Variants in FOXK1 observed in about 807,000 individuals in gnomAD.
FOXK1 encodes forkhead box protein K1.
A neutral mutation model predicts 51.9 loss-of-function variants in FOXK1; 19 were observed. The ratio of observed to expected loss-of-function variants is 0.37; its 90% CI spans 0.26 to 0.54. The LOEUF is 0.54. FOXK1 is among the 20% of genes least tolerant of loss of function. FOXK1 has a pLI of 0.87. For synonymous variants in FOXK1, 537 were observed against 482.6 expected, an observed-to-expected ratio of 1.11 and a Z score of -1.48; for missense variants, 870 against 1,032.7, an observed-to-expected ratio of 0.84 and a Z score of 2.16.
chr7:4,757,134 G>A lies in FOXK1; in HGVS notation c.1191G>A (p.Arg397=). Residue 397 remains arginine, a synonymous_variant, in exon 5 of 9, where the codon CGG becomes CGA. Transcript: ENST00000328914. ...AKLVEQAFRK[R]RQRGVSCFRT... is the part of the protein sequence containing the mutation. ...TCGTGGAACAGGCATTCCGGAAACG[G>A]AGGCAGAGGGGTGTCTCCTGCTTCC... 6.2e-7 allele frequency: 1 copy of A among 1,613,176 alleles called. No homozygotes were observed. The highest frequency in any genetic ancestry group is 1.1e-5 in the South Asian group (1 of 91,048).
chr7:4,724,930 C>CCTT (rs999742709), intron 1 of FOXK1, among the ~76,000 whole-genome samples: 1 of 152,250 alleles, frequency 6.6e-6, no homozygotes, highest in African/African-American at 2.4e-5. Context: ...AGGAAAGTCA[C>CCTT]CTTTTAGCTG....
chr7:4,717,470 GTGGCTGGGAGGCA>G (rs1780250891), intron 1 of FOXK1, among the ~76,000 whole-genome samples: 1 of 139,052 alleles, frequency 7.2e-6, no homozygotes, highest in Non-Finnish European at 1.5e-5. Context: ...TGGGAGGCAT[GTGGCTGGGAGGCA>G]TGTGGCTGGG....
chr7:4,726,191 A>T (rs1334778650), intron 1 of FOXK1, among the ~76,000 whole-genome samples: 1 of 152,128 alleles, frequency 6.6e-6, no homozygotes, highest in Non-Finnish European at 1.5e-5. Context: ...GAGGGACAGG[A>T]GGCTTCCGTG....
intron 2 of FOXK1, among the ~76,000 whole-genome samples, chr7:4,751,814 G>T (rs1057072325): frequency 6.6e-6 from 1 of 152,252 alleles, no homozygotes; most frequent in African/African-American, 2.4e-5. Context: ...CCCAGGCCAG[G>T]TCCAGTGCTG....
intron 1 of FOXK1, among the ~76,000 whole-genome samples, chr7:4,739,034 A>G (rs1780594756): frequency 6.6e-6 from 1 of 152,174 alleles, no homozygotes; most frequent in Non-Finnish European, 1.5e-5. Flanking sequence ...GTCTTTCAAA[A>G]ACGCTTTGAC....
rs781163441 is a variant in FOXK1, at chr7:4,682,848, C to A, written c.540C>A (p.Pro180=). Residue 180 remains proline, a synonymous_variant, in exon 1 of 9, where the codon CCC becomes CCA. Transcript: ENST00000328914. This position sits in a 1 kb window ranked among gnomAD's most constrained non-coding sequence, Gnocchi z 7.6. ...GGGCCTTCCAGAGACGCGGCGCGCCCGCCCTGCAGCTGCCCAAGCAGTGAG... is the reference window on the plus strand; with the variant it reads ...GGGCCTTCCAGAGACGCGGCGCGCCAGCCCTGCAGCTGCCCAAGCAGTGAG... ...VDGAFQRRGA[P]ALQLPKQCTF... is the part of the protein sequence containing the mutation. 3.2e-6 allele frequency: 5 copies of A among 1,556,158 alleles called. No homozygotes were observed. Among genetic ancestry groups the A allele is most frequent in the African/African-American group, 2.7e-5 (2 of 72,766 alleles).
At chr7:4,713,308 G>C (rs1176840636) in intron 1 of FOXK1, among the ~76,000 whole-genome samples, 2 of 149,528 alleles carry the variant, frequency 1.3e-5, no homozygotes, top group Non-Finnish European at 2.9e-5. Flanking sequence ...GGTTGGGGCG[G>C]GCTGGGATTC....
At position 4,755,242 on chromosome 7, in the gene FOXK1, G is replaced by A. The variant is rs1780831530; in HGVS notation, c.909G>A (p.Glu303=). 2 of 1,613,794 alleles carry A rather than the reference G, an allele frequency of 1.2e-6. No individual in the cohort carries two copies. The highest frequency in any genetic ancestry group is 1.7e-6 in the Non-Finnish European group (2 of 1,180,000). ...DTSGGDSPKD[E]SKPPFSYAQL... ...TGAGCCGTGTTTCTCCGCAGGATGA[G>A]TCAAAGCCGCCGTTCTCCTACGCGC... The change falls in exon 4 of 9, where the codon GAG becomes GAA. Residue 303 remains glutamate (E), a synonymous_variant. Coordinates refer to ENST00000328914, the MANE Select transcript of FOXK1 (RefSeq NM_001037165.2). This position sits in a 1 kb window ranked among gnomAD's most constrained non-coding sequence, Gnocchi z 6.6.
At position 4,740,596 on chromosome 7, in the gene FOXK1, G is replaced by A. The variant is rs187831689; in HGVS notation, c.561-242G>A. Among the ~76,000 whole-genome samples the A allele has an allele frequency of 6.9e-3, 1,045 of 152,166 alleles. 10 individuals are homozygous for A. The highest frequency in any genetic ancestry group is 0.024 in the African/African-American group (1,007 of 41,522). ...ATTGCACTCCAGCCTGGGTGACAGC[G>A]AGACTCCCTCTCAAAAAATAAAATA... On this transcript the variant is annotated intron_variant, in intron 1 of 8. Coordinates refer to ENST00000328914, the MANE Select transcript of FOXK1 (RefSeq NM_001037165.2).
intron 1 of FOXK1, among the ~76,000 whole-genome samples, chr7:4,688,678 C>T (rs1182578588): frequency 6.6e-6 from 1 of 152,160 alleles, no homozygotes; most frequent in Non-Finnish European, 1.5e-5. Context: ...CCACGCCCGG[C>T]ACCCTCTGCT....
intron 1 of FOXK1, among the ~76,000 whole-genome samples, chr7:4,692,449 G>T (rs939501954): frequency 6.6e-6 from 1 of 152,184 alleles, no homozygotes; most frequent in Non-Finnish European, 1.5e-5. Flanking sequence ...GGCTGGAGGG[G>T]CAGTGGCACG....
rs546841477 is a variant in FOXK1, at chr7:4,748,341, C to G, written c.747-6118C>G. On this transcript the variant is annotated intron_variant, in intron 2 of 8. Transcript: ENST00000328914. This position sits in a 1 kb window ranked among gnomAD's most constrained non-coding sequence, Gnocchi z 4.9. ...GGAAATTAAGGATTTAGCTTCCCCCCTCCCCATCCCAGTAAAGTTACATCA... is the reference window on the plus strand; with the variant it reads ...GGAAATTAAGGATTTAGCTTCCCCCGTCCCCATCCCAGTAAAGTTACATCA... Among the ~76,000 whole-genome samples, 7 of 152,326 alleles carry G rather than the reference C, an allele frequency of 4.6e-5. No individual in the cohort carries two copies. The highest frequency in any genetic ancestry group is 3.9e-4 in the Admixed American group (6 of 15,294).
In FOXK1 at chr7:4,733,929, G is replaced by T. The variant is rs913591979; in HGVS notation, c.561-6909G>T. Among the ~76,000 whole-genome samples the T allele has an allele frequency of 6.6e-6, 1 of 152,144 alleles. No homozygotes were observed. The highest frequency in any genetic ancestry group is 1.5e-5 in the Non-Finnish European group (1 of 68,030). ...AAGCCACAGGGACCTCCCAGCACGC[G>T]CCAACCCTGGACTTCCCCCAGAGCT... On this transcript the variant is annotated intron_variant, in intron 1 of 8. Coordinates refer to ENST00000328914, the MANE Select transcript of FOXK1 (RefSeq NM_001037165.2). This position sits in a 1 kb window ranked among gnomAD's most constrained non-coding sequence, Gnocchi z 5.0.
chr7:4,760,063 T>C (rs6463034), intron 7 of FOXK1: 37,845 of 165,502 alleles, frequency 0.23, 7,095 homozygotes, highest in African/African-American at 0.53. Context: ...TCCGCAGATG[T>C]GTCCTTCCTT....
At chr7:4,725,485 AGGCCCG>A (rs1161815037) in intron 1 of FOXK1, among the ~76,000 whole-genome samples, 2 of 152,224 alleles carry the variant, frequency 1.3e-5, no homozygotes, top group African/African-American at 4.8e-5. Flanking sequence ...CCACAGGCAG[AGGCCCG>A]GGGCCAGATG....
intron 1 of FOXK1, among the ~76,000 whole-genome samples, chr7:4,719,624 G>A (rs1446433331): frequency 6.6e-6 from 1 of 152,054 alleles, no homozygotes; most frequent in Non-Finnish European, 1.5e-5. Context: ...TGGGACTACA[G>A]GCACACGCCA....
In FOXK1 at chr7:4,723,907, G is replaced by A. The variant is rs1179408901; in HGVS notation, c.561-16931G>A. 6.6e-6 allele frequency among the ~76,000 whole-genome samples: 1 copy of A among 152,188 alleles called. No homozygotes were observed. Among genetic ancestry groups the A allele is most frequent in the African/African-American group, 2.4e-5 (1 of 41,458 alleles). ...GCCGGTCTCGACCTCCTAGGCTCAA[G>A]CGATCCTCCTACCTCAGCTTCCCAA... is the stretch of plus-strand genomic sequence containing the variant. On this transcript the variant is annotated intron_variant, in intron 1 of 8. Transcript: ENST00000328914. This position sits in a 1 kb window ranked among gnomAD's most constrained non-coding sequence, Gnocchi z 4.7.
chr7:4,708,581 A>G (rs1780134639), intron 1 of FOXK1, among the ~76,000 whole-genome samples: 1 of 152,250 alleles, frequency 6.6e-6, no homozygotes, highest in Non-Finnish European at 1.5e-5. Flanking sequence ...ATAAAAGTAT[A>G]GCAATTTGCC....
chr7:4,699,275 C>T (rs1377045959), intron 1 of FOXK1, among the ~76,000 whole-genome samples: 2 of 151,238 alleles, frequency 1.3e-5, no homozygotes, highest in African/African-American at 4.9e-5. Context: ...GGTCCTTATC[C>T]ACAGGGTTAG....
Sources: allele counts gnomAD v4.1 joint callset (sites outside exome capture counted in the v4.1 genomes callset), GRCh38; gene constraint gnomAD v4.1.1; non-coding constraint Gnocchi (gnomAD v3.1); transcripts MANE v1.5; gene names NCBI Gene and HGNC (gene_info 2026-07-23, HGNC 2026-07-21).